The following CEACAM21 variants were observed in gnomAD, a reference collection of about 807,000 sequenced individuals.
The protein encoded by CEACAM21 is CEA cell adhesion molecule 21.
A neutral mutation model predicts 33.2 loss-of-function variants in CEACAM21; 38 were observed. The ratio of observed to expected loss-of-function variants is 1.14; its 90% CI spans 0.88 to 1.50. The LOEUF (loss-of-function observed/expected upper bound fraction) is 1.50, where lower values mean the gene tolerates loss of function less well. Among genes scored for constraint, CEACAM21 ranks in the 40% most tolerant of loss-of-function variants. CEACAM21 has a pLI of 0.00. For missense variants in CEACAM21, 385 were observed against 364.6 expected (o/e 1.06, Z -0.46); for synonymous variants, 156 against 143.0 (o/e 1.09, Z -0.65).
chr19:41,572,206 A>G (rs575779160), upstream of CEACAM21, among the ~76,000 whole-genome samples: 1 of 152,326 alleles, frequency 6.6e-6, no homozygotes, highest in South Asian at 2.1e-4. Flanking sequence ...TTGCTGGTAA[A>G]CCTAAATCAC....
rs143039519 is a variant in CEACAM21 at position 41,570,597 on chromosome 19, A to C, written c.-404+5541A>C. Among the ~76,000 whole-genome samples the C allele has an allele frequency of 8.1e-3, 1,228 of 152,230 alleles. 18 individuals are homozygous for C. The highest frequency in any genetic ancestry group is 0.028 in the African/African-American group (1,146 of 41,530). On this transcript the variant is annotated intron_variant, in intron 2 of 7. Transcript: ENST00000407170. The stretch of plus-strand genomic sequence containing the variant: ...GAATCATGCACTCCCAACATCCTGG[A>C]TCCTGACTGGGGGTAACAGTGAAGT...
upstream of CEACAM21, among the ~76,000 whole-genome samples, chr19:41,571,714 A>G (rs530704519): frequency 3.9e-5 from 6 of 152,352 alleles, no homozygotes; most frequent in South Asian, 1.2e-3. Flanking sequence ...GTGTCTGGAC[A>G]GTGTTGGGGT....
rs35949244 is a variant in CEACAM21, at chr19:41,558,952, T to C, written c.-778-5730T>C. 3.0e-3 allele frequency among the ~76,000 whole-genome samples: 454 copies of C among 152,364 alleles called. 1 individual carries two copies. The highest frequency in any genetic ancestry group is 6.2e-3 in the Admixed American group (95 of 15,308). On this transcript the variant is annotated intron_variant, in intron 1 of 7. Transcript: ENST00000407170. ...TGTGCAGGCTTTGGGGAAAATCATG[T>C]ATTCATTGGTTTGGCATCTCTGTCT...
chr19:41,576,092 C>G (rs372162857), upstream of CEACAM21: 627 of 640,782 alleles, frequency 9.8e-4, 9 homozygotes, highest in South Asian at 0.012. Context: ...GGGGAGGGGA[C>G]AGAGAGACAT....
intron 3 of CEACAM21, among the ~76,000 whole-genome samples, chr19:41,582,954 T>C (rs1317851650): frequency 6.6e-6 from 1 of 152,244 alleles, no homozygotes; most frequent in Non-Finnish European, 1.5e-5. Flanking sequence ...AATGGATTTT[T>C]CTTTTCTATT....
In CEACAM21 at chr19:41,576,303, G is replaced by C. The variant is rs782255185; in HGVS notation, c.29G>C (p.Arg10Thr). Residue 10 changes from arginine (R) to threonine (T), a missense_variant, in exon 1 of 7, where the codon AGA becomes ACA. Arg to Thr is a moderately conservative substitution (Grantham distance 71, BLOSUM62 -1). Coordinates refer to ENST00000401445, the MANE Select transcript of CEACAM21 (RefSeq NM_001098506.4). MGPPSACPH[R>T]ECIPWQGLLL... ...GGGCCCCCCTCAGCTTGTCCCCACA[G>C]AGAATGCATCCCCTGGCAGGGGCTC... 60 of 1,613,232 alleles carry C rather than the reference G, an allele frequency of 3.7e-5. No homozygotes were observed. Among genetic ancestry groups the C allele is most frequent in the African/African-American group, 9.3e-5 (7 of 74,890 alleles).
At position 41,586,556 on chromosome 19, in the gene CEACAM21, TTGA is replaced by T; in HGVS notation, c.*96_*98del. Reference sequence around the variant, plus strand: ...TTCCTCTGGGAGCTGCTCCTGTGGGTTGATGGAGCGTCCCTGAAGCCCCCAGCC... The same window carrying T: ...TTCCTCTGGGAGCTGCTCCTGTGGGTTGGAGCGTCCCTGAAGCCCCCAGCC... On this transcript the variant is annotated 3_prime_UTR_variant, in exon 7 of 7. Transcript: ENST00000401445. 3.2e-6 allele frequency: 2 copies of T among 625,966 alleles called. No individual in the cohort carries two copies. Among genetic ancestry groups the T allele is most frequent in the Non-Finnish European group, 6.2e-6 (2 of 324,454 alleles). The allele number at this position is 625,966 out of a possible 1,614,324, so 38.8% of individuals were successfully genotyped here. A position where few individuals can be genotyped will look rare whatever the true frequency, so the allele number is the denominator to read the frequency against.
intron 4 of CEACAM21, among the ~76,000 whole-genome samples, chr19:41,584,660 C>T (rs990604067): frequency 5.3e-5 from 8 of 152,206 alleles, no homozygotes; most frequent in Non-Finnish European, 1.2e-4. Flanking sequence ...CAATTAAGGC[C>T]ATGCCCCTGA....
At chr19:41,575,423 C>A (rs1196227466), upstream of CEACAM21, among the ~76,000 whole-genome samples, 1 of 152,192 alleles carries the variant, frequency 6.6e-6, no homozygotes, top group African/African-American at 2.4e-5. Flanking sequence ...CATGTACACA[C>A]CCTTCCTGAC....
intron 3 of CEACAM21, among the ~76,000 whole-genome samples, chr19:41,582,217 C>T (rs1162795313): frequency 6.6e-6 from 1 of 152,268 alleles, no homozygotes; most frequent in Non-Finnish European, 1.5e-5. Flanking sequence ...CCATGTCTCA[C>T]ATCCAGGTCA....
At position 41,579,346 on chromosome 19, in the gene CEACAM21, TC is replaced by T. The variant is rs782424123; in HGVS notation, c.425-5del. On this transcript the variant is annotated splice_region_variant and splice_polypyrimidine_tract_variant and intron_variant, in intron 2 of 6. Transcript: ENST00000401445. ...AAGACACTTTCTGTTGGTCACTCTA[TC>T]CACAGAGTCAGTGGCTCAGCCCTCC... 1.2e-6 allele frequency: 2 copies of T among 1,613,888 alleles called. No individual in the cohort carries two copies. Among genetic ancestry groups the T allele is most frequent in the Non-Finnish European group, 1.7e-6 (2 of 1,179,864 alleles).
chr19:41,554,808 T>C (rs1195867700), intron 1 of CEACAM21: 1 of 152,118 alleles, frequency 6.6e-6, no homozygotes. Flanking sequence ...ACAGAAATGC[T>C]GAATTATACC....
intron 5 of CEACAM21, 21 bp downstream of exon 5, chr19:41,585,516 G>T: frequency 6.2e-7 from 1 of 1,613,504 alleles, no homozygotes; most frequent in Non-Finnish European, 8.5e-7. Context: ...CTTCAGTCTG[G>T]GTGTGGCTGG....
In CEACAM21 at chr19:41,579,450, T is replaced by C; in HGVS notation, c.522T>C (p.Ser174=). The C allele has an allele frequency of 6.2e-7, 1 of 1,613,898 alleles. No individual in the cohort carries two copies. Among genetic ancestry groups the C allele is most frequent in the South Asian group, 1.1e-5 (1 of 91,084 alleles). ...LTCHTNNTGT[S]FQWIFNNQRL... ...GCCACACAAATAACACTGGAACCTC[T>C]TTCCAGTGGATTTTCAACAACCAGC... The change falls in exon 3 of 7, where the codon TCT becomes TCC. Residue 174 remains serine (S), a synonymous_variant. Coordinates refer to ENST00000401445, the MANE Select transcript of CEACAM21 (RefSeq NM_001098506.4).
chr19:41,554,000 G>A (rs1343873378), intron 1 of CEACAM21, among the ~76,000 whole-genome samples: 1 of 152,046 alleles, frequency 6.6e-6, no homozygotes, highest in African/African-American at 2.4e-5. Flanking sequence ...GTGTTCATAG[G>A]AGTATATTTT....
intron 1 of CEACAM21, among the ~76,000 whole-genome samples, chr19:41,562,511 T>C (rs560857743): frequency 6.6e-6 from 1 of 152,208 alleles, no homozygotes; most frequent in African/African-American, 2.4e-5. Context: ...ATGTCCACCA[T>C]GGCAGCATGT....
Position 41,582,015 on chromosome 19 carries a change from C to T in CEACAM21, c.701-2332C>T, listed in dbSNP as rs528257327. 3.3e-5 allele frequency among the ~76,000 whole-genome samples: 5 copies of T among 152,318 alleles called. No homozygotes were observed. The South Asian group carries it at 8.3e-4, about 25-fold the overall frequency. ...TCATCTGAGACAAGGCAAGTCCCTTCCACCTATAAGCCTGTAAAATCAAAA... is the reference window on the plus strand; with the variant it reads ...TCATCTGAGACAAGGCAAGTCCCTTTCACCTATAAGCCTGTAAAATCAAAA... On this transcript the variant is annotated intron_variant, in intron 3 of 6. Transcript: ENST00000401445.
intron 4 of CEACAM21, 44 bp downstream of exon 4, chr19:41,584,487 C>A (rs1555794574): frequency 6.6e-7 from 1 of 1,524,752 alleles, no homozygotes; most frequent in Non-Finnish European, 9.0e-7. Flanking sequence ...TTCACGCTGA[C>A]CCCAGGCGAG....
Position 41,585,471 on chromosome 19 carries a change from C to A in CEACAM21, c.826C>A (p.Gln276Lys), listed in dbSNP as rs782142698. 7 of 1,613,716 alleles carry A rather than the reference C, an allele frequency of 4.3e-6. No individual in the cohort carries two copies. The African/African-American group carries it at 6.7e-5, about 15-fold the overall frequency. Residue 276 changes from glutamine (Q) to lysine (K), a missense_variant, in exon 5 of 7, where the codon CAG becomes AAG. Coordinates refer to ENST00000401445, the MANE Select transcript of CEACAM21 (RefSeq NM_001098506.4). The stretch of plus-strand genomic sequence containing the variant: ...CAGCGATCAGAGTGACTTCAGGGAG[C>A]AGCAGCCCCCAGCCTCCACCCCCGG... ...RASDQSDFRE[Q>K]QPPASTPGHG...
Sources: gnomAD v4.1 joint callset for allele counts (sites outside exome capture counted in the v4.1 genomes callset) on GRCh38, gnomAD v4.1.1 for gene constraint, MANE v1.5 for transcripts, NCBI Gene and HGNC (gene_info 2026-07-23, HGNC 2026-07-21) for gene names.